The following JCAD variants were observed in gnomAD, a reference collection of about 807,000 sequenced individuals.
JCAD encodes junctional cadherin 5-associated protein.
A neutral mutation model predicts 98.0 loss-of-function variants in JCAD; 40 were observed. That is an observed-to-expected ratio of 0.41 (90% CI 0.32 to 0.53). JCAD has a LOEUF of 0.53. Ranked by LOEUF, JCAD falls within the 20% of genes least tolerant of loss-of-function variation. The pLI is 0.31. For missense variants in JCAD, 1,705 were observed against 1,738.1 expected (o/e 0.98, Z 0.34); for synonymous variants, 691 against 682.3 (o/e 1.01, Z -0.20).
At position 30,013,890 on chromosome 10, in the gene JCAD, C is replaced by T. The variant is rs1248747484; in HGVS notation, c.*3993G>A. ...AGGAATCTGCAGGAGCCTTGGCTGC[C>T]TTCCCACACTGCTGATGAACCAAGG... is the stretch of plus-strand genomic sequence containing the variant. On this transcript the variant is annotated 3_prime_UTR_variant, in exon 4 of 4. Transcript: ENST00000375377. The T allele has an allele frequency of 2.0e-5, 3 of 152,214 alleles. No homozygotes were observed. Among genetic ancestry groups the T allele is most frequent in the Non-Finnish European group, 4.4e-5 (3 of 68,058 alleles). The allele number at this position is 152,214 out of a possible 1,614,324, so 9.4% of individuals were successfully genotyped here. A position where few individuals can be genotyped will look rare whatever the true frequency, so the allele number is the denominator to read the frequency against.
chr10:30,027,905 C>G lies in JCAD; in HGVS notation c.2243G>C (p.Arg748Pro). ...TGDHKQRPSA[R>P]NLKGHRSLSP... ...GAGGGACCTGTGACCTTTCAGGTTACGGGCACTTGGCCTCTGTTTGTGATC... is the reference window on the plus strand; with the variant it reads ...GAGGGACCTGTGACCTTTCAGGTTAGGGGCACTTGGCCTCTGTTTGTGATC... The change falls in exon 3 of 4, where the codon CGT becomes CCT. Residue 748 changes from arginine (R) to proline (P), a missense_variant. Arg to Pro is a moderately radical substitution (Grantham distance 103). This residue lies in a region of JCAD where 1,278 missense variants were observed against 1,243.1 expected (regional missense o/e 1.03). Transcript: ENST00000375377. 1 of 1,614,200 alleles carries G rather than the reference C, an allele frequency of 6.2e-7. No individual in the cohort carries two copies.
chr10:30,020,844 A>C (rs2132603087), intron 3 of JCAD, among the ~76,000 whole-genome samples: 1 of 152,294 alleles, frequency 6.6e-6, no homozygotes, highest in South Asian at 2.1e-4. Flanking sequence ...AATTATGAGA[A>C]CGTGTGGAAG....
At chr10:30,085,793 C>T (rs971171427) in intron 1 of JCAD, among the ~76,000 whole-genome samples, 11 of 152,294 alleles carry the variant, frequency 7.2e-5, no homozygotes, top group Middle Eastern at 3.4e-3. Context: ...TTTAATAGTG[C>T]CCATGGGTTT....
rs772207919 is a variant in JCAD, at chr10:30,047,714, C to T, written c.99G>A (p.Ala33=). ...REDNPKGRQA[A]RTGTRAGQGL... ...CCTGGCCTGCTCGTGTCCCAGTCCT[C>T]GCTGCCTGGCGCCCCTTGGGGTTAT... The change falls in exon 2 of 4, where the codon GCG becomes GCA. Residue 33 remains alanine (A), a synonymous_variant. Coordinates refer to ENST00000375377, the MANE Select transcript of JCAD (RefSeq NM_020848.4). The T allele has an allele frequency of 9.9e-6, 16 of 1,614,136 alleles. No homozygotes were observed. The highest frequency in any genetic ancestry group is 8.0e-5 in the African/African-American group (6 of 74,956).
chr10:30,067,575 A>T (rs1158513421), intron 2 of JCAD, among the ~76,000 whole-genome samples: 2 of 152,102 alleles, frequency 1.3e-5, no homozygotes, highest in African/African-American at 4.8e-5. Flanking sequence ...TTATCTGCCC[A>T]CTTTGGCCTC....
intron 1 of JCAD, among the ~76,000 whole-genome samples, chr10:30,111,541 C>G (rs1838702976): frequency 6.6e-6 from 1 of 152,138 alleles, no homozygotes; most frequent in Non-Finnish European, 1.5e-5. Context: ...ATGAGGCTTT[C>G]ATAGTCCTAG....
intron 2 of JCAD, among the ~76,000 whole-genome samples, chr10:30,036,189 A>C (rs993168168): frequency 6.6e-6 from 1 of 152,212 alleles, no homozygotes; most frequent in African/African-American, 2.4e-5. Flanking sequence ...CACGCCTATA[A>C]TCCCAGCACT....
intron 1 of JCAD, among the ~76,000 whole-genome samples, chr10:30,084,718 C>A (rs1350447407): frequency 6.6e-6 from 1 of 152,168 alleles, no homozygotes; most frequent in South Asian, 2.1e-4. Context: ...TCAACTCACG[C>A]TGAAGATCTT....
intron 3 of JCAD, among the ~76,000 whole-genome samples, chr10:30,023,386 G>A (rs570225382): frequency 9.2e-5 from 14 of 152,224 alleles, no homozygotes; most frequent in African/African-American, 2.6e-4. Context: ...TTTCCATTGC[G>A]TTACAATTGC....
chr10:30,021,212 T>G (rs1836654555), intron 3 of JCAD, among the ~76,000 whole-genome samples: 1 of 152,200 alleles, frequency 6.6e-6, no homozygotes, highest in African/African-American at 2.4e-5. Flanking sequence ...AAACATTATT[T>G]TTTAGAGACA....
Position 30,027,985 on chromosome 10 carries a change from T to G in JCAD, c.2163A>C (p.Lys721Asn). The change falls in exon 3 of 4, where the codon AAA becomes AAC. Residue 721 changes from lysine to asparagine, a missense_variant. Physicochemically the swap from Lys to Asn is moderately conservative, Grantham distance 94. Coordinates refer to ENST00000375377, the MANE Select transcript of JCAD (RefSeq NM_020848.4). ...CTTCGGAGGCAGCAGGGTCTGAACA[T>G]TTTGGACTCAATGCTGCACGACTCG... Reference protein sequence around the residue: ...GGPSRAALSPKCSDPAASEAQ... With the variant: ...GGPSRAALSPNCSDPAASEAQ... The G allele has an allele frequency of 6.2e-7, 1 of 1,614,224 alleles. No homozygotes were observed. Among genetic ancestry groups the G allele is most frequent in the Non-Finnish European group, 8.5e-7 (1 of 1,180,036 alleles).
At chr10:30,033,167 G>A (rs1343234063) in intron 2 of JCAD, among the ~76,000 whole-genome samples, 3 of 152,218 alleles carry the variant, frequency 2.0e-5, no homozygotes, top group African/African-American at 7.2e-5. Flanking sequence ...TCTAAGCCAA[G>A]AAATGTGAAC....
intron 2 of JCAD, among the ~76,000 whole-genome samples, chr10:30,034,682 A>C (rs1837076414): frequency 6.6e-6 from 1 of 151,442 alleles, no homozygotes; most frequent in African/African-American, 2.4e-5. Context: ...TCCCCTGGGG[A>C]CTCCTGTGTG....
chr10:30,017,246 ACT>A lies in JCAD; in HGVS notation c.*635_*636del, dbSNP rs1166335300. ...AATATTTCACTGCCAGATAAATAAT[ACT>A]CTTAGTATATTACAGTACAAGTTTT... is the stretch of plus-strand genomic sequence containing the variant. On this transcript the variant is annotated 3_prime_UTR_variant, in exon 4 of 4. Coordinates refer to ENST00000375377, the MANE Select transcript of JCAD (RefSeq NM_020848.4). 1 of 152,248 alleles carries A rather than the reference ACT, an allele frequency of 6.6e-6. No individual in the cohort carries two copies. The highest frequency in any genetic ancestry group is 2.4e-5 in the African/African-American group (1 of 41,444). The allele number at this position is 152,248 out of a possible 1,614,324, so 9.4% of individuals were successfully genotyped here.
intron 3 of JCAD, 95 bp downstream of exon 3, chr10:30,026,008 T>TA: frequency 7.3e-7 from 1 of 1,377,924 alleles, no homozygotes; most frequent in Non-Finnish European, 1.0e-6. Context: ...CTTTTCTGAA[T>TA]ATGCAGATTT....
At chr10:30,089,013 G>C (rs1838212434) in intron 1 of JCAD, among the ~76,000 whole-genome samples, 1 of 152,042 alleles carries the variant, frequency 6.6e-6, no homozygotes, top group African/African-American at 2.4e-5. Context: ...AACCAAAATG[G>C]AGCTTTATTT....
intron 2 of JCAD, among the ~76,000 whole-genome samples, chr10:30,067,450 C>T (rs1328398887): frequency 6.6e-6 from 1 of 152,068 alleles, no homozygotes; most frequent in Non-Finnish European, 1.5e-5. Context: ...CCTCAGCCTC[C>T]CTAGTAGCTG....
intron 1 of JCAD, among the ~76,000 whole-genome samples, chr10:30,077,022 G>A (rs1395854685): frequency 1.3e-5 from 2 of 152,272 alleles, no homozygotes; most frequent in East Asian, 1.9e-4. Flanking sequence ...TTGGAAAAAC[G>A]TATGAAGACA....
intron 3 of JCAD, among the ~76,000 whole-genome samples, chr10:30,020,967 C>G (rs1033463373): frequency 6.6e-6 from 1 of 152,178 alleles, no homozygotes; most frequent in African/African-American, 2.4e-5. Flanking sequence ...TCTGTCTGTA[C>G]CACCCCACCC....
Sources: gnomAD v4.1 joint callset for allele counts (sites outside exome capture counted in the v4.1 genomes callset) on GRCh38, gnomAD v4.1.1 for gene constraint, gnomAD v4.1.1 regional missense constraint, MANE v1.5 for transcripts, NCBI Gene and HGNC (gene_info 2026-07-23, HGNC 2026-07-21) for gene names.